Variants in FMN1 observed in about 807,000 individuals in gnomAD.
FMN1 encodes the protein formin 1.
FMN1 carries 110 observed loss-of-function variants against 132.4 expected under a neutral mutation model. The ratio of observed to expected loss-of-function variants is 0.83; its 90% CI spans 0.71 to 0.97. The LOEUF (loss-of-function observed/expected upper bound fraction) is 0.97, where lower values mean the gene tolerates loss of function less well. Ranked by LOEUF, FMN1 falls within the 50% of genes least tolerant of loss-of-function variation. The pLI, the probability that FMN1 is intolerant of heterozygous loss-of-function variation, is 0.00. For synonymous variants in FMN1, 722 were observed against 651.7 expected (o/e 1.11, Z -1.64); for missense variants, 1,792 against 1,705.3 (o/e 1.05, Z -0.90).
In FMN1 at chr15:32,858,645, T is replaced by C. The variant is rs192838744; in HGVS notation, c.3836-1538A>G. 2.7e-4 allele frequency among the ~76,000 whole-genome samples: 41 copies of C among 152,364 alleles called. 1 individual carries two copies. Among genetic ancestry groups the C allele is most frequent in the African/African-American group, 8.9e-4 (37 of 41,582 alleles). On this transcript the variant is annotated intron_variant, in intron 16 of 20. Coordinates refer to ENST00000616417, the MANE Select transcript of FMN1 (RefSeq NM_001277313.2). ...CATTCCAAGGCTATCTAGGAAATCC[T>C]GTCCGTTGGGAGGCAAAGACTAATT...
chr15:32,893,626 T>C (rs919958911), intron 15 of FMN1, among the ~76,000 whole-genome samples: 14 of 152,258 alleles, frequency 9.2e-5, no homozygotes, highest in African/African-American at 2.7e-4. Flanking sequence ...CTTAGGCTCC[T>C]AGAGGAAAGG....
chr15:32,837,708 C>T lies in FMN1; in HGVS notation c.3928+19307G>A, dbSNP rs143763277. On this transcript the variant is annotated intron_variant, in intron 17 of 20. Coordinates refer to ENST00000616417, the MANE Select transcript of FMN1 (RefSeq NM_001277313.2). ...TCCTGAAAGGTGGAGTAAGATTTTG[C>T]GTCAGATATATAGGGTCTTTTAGAC... Among the ~76,000 whole-genome samples the T allele has an allele frequency of 9.7e-3, 1,477 of 152,264 alleles. 7 individuals carry two copies. Among genetic ancestry groups the T allele is most frequent in the Middle Eastern group, 0.017 (5 of 294 alleles).
chr15:33,040,989 G>A (rs143299962), intron 6 of FMN1, among the ~76,000 whole-genome samples: 58 of 152,198 alleles, frequency 3.8e-4, no homozygotes, highest in Non-Finnish European at 6.9e-4. Context: ...AATTCAAAAG[G>A]TTGATTATTT....
Position 33,096,821 on chromosome 15 carries a change from C to G in FMN1, c.1868-7847G>C, listed in dbSNP as rs1423251296. ...TTTACCATTTTGCCCAGGCTAGTAT[C>G]GAACCCCTAGGCTAAAGCAATCCGC... On this transcript the variant is annotated intron_variant, in intron 4 of 20. Coordinates refer to ENST00000616417, the MANE Select transcript of FMN1 (RefSeq NM_001277313.2). Among the ~76,000 whole-genome samples the G allele has an allele frequency of 2.0e-5, 3 of 152,226 alleles. No individual in the cohort carries two copies. The East Asian group carries it at 5.8e-4, about 29-fold the overall frequency.
intron 19 of FMN1, among the ~76,000 whole-genome samples, chr15:32,783,952 G>T (rs2056762942): frequency 6.6e-6 from 1 of 152,026 alleles, no homozygotes; most frequent in Non-Finnish European, 1.5e-5. Context: ...TGAGACTGAG[G>T]AAGTACCAAG....
At chr15:32,858,022 TC>T (rs1426172912) in intron 16 of FMN1, among the ~76,000 whole-genome samples, 1 of 152,190 alleles carries the variant, frequency 6.6e-6, no homozygotes, top group Non-Finnish European at 1.5e-5. Context: ...TATGTTCTTG[TC>T]CAAAAGCCTA....
rs1486512222 is a variant in FMN1, at chr15:32,799,040, A to T, written c.3981-87T>A. 5.3e-6 allele frequency: 6 copies of T among 1,127,204 alleles called. No individual in the cohort carries two copies. In the East Asian group the frequency reaches 1.2e-4, roughly 23 times the overall value. 69.8% of individuals were successfully genotyped at this position (1,127,204 alleles called of 1,614,324 possible). On this transcript the variant is annotated intron_variant, in intron 18 of 20. Coordinates refer to ENST00000616417, the MANE Select transcript of FMN1 (RefSeq NM_001277313.2). ...CCATTAGAGGGGGGATGCTGGGGGC[A>T]GTTTCTCTTGTGTTTATTTTGTAAC...
At chr15:33,057,912 T>G (rs1284705859) in intron 6 of FMN1, among the ~76,000 whole-genome samples, 1 of 152,200 alleles carries the variant, frequency 6.6e-6, no homozygotes, top group Non-Finnish European at 1.5e-5. Context: ...CTCTATTTGC[T>G]GAGCTAGTTG....
chr15:33,121,648 C>T (rs1305756956), intron 4 of FMN1, among the ~76,000 whole-genome samples: 2 of 152,018 alleles, frequency 1.3e-5, no homozygotes, highest in Admixed American at 6.5e-5. Flanking sequence ...CGTGCCTCAG[C>T]CTCCTGAGTA....
chr15:33,047,431 A>C (rs1305949471), intron 6 of FMN1, among the ~76,000 whole-genome samples: 1 of 152,198 alleles, frequency 6.6e-6, no homozygotes, highest in African/African-American at 2.4e-5. Flanking sequence ...ATATTTAAAA[A>C]AACTTTTATA....
chr15:33,000,483 A>G (rs2034035202), intron 7 of FMN1, among the ~76,000 whole-genome samples: 1 of 151,310 alleles, frequency 6.6e-6, no homozygotes, highest in Non-Finnish European at 1.5e-5. Flanking sequence ...GGCGGTGTAA[A>G]TAGGAATTTA....
chr15:33,181,616 T>G (rs562258270), intron 2 of FMN1, among the ~76,000 whole-genome samples: 2 of 152,288 alleles, frequency 1.3e-5, no homozygotes, highest in East Asian at 1.9e-4. Context: ...AGAGTCCAAA[T>G]TTTATTCTAA....
intron 17 of FMN1, among the ~76,000 whole-genome samples, chr15:32,826,936 A>G (rs1012923573): frequency 1.3e-5 from 2 of 152,218 alleles, no homozygotes; most frequent in Admixed American, 1.3e-4. Context: ...ATGTTTGCCT[A>G]CAACTGATGC....
intron 7 of FMN1, among the ~76,000 whole-genome samples, chr15:32,993,234 G>A (rs1039441390): frequency 1.3e-5 from 2 of 151,478 alleles, no homozygotes; most frequent in Non-Finnish European, 2.9e-5. Flanking sequence ...ATATAAAATT[G>A]CTGCTTTATA....
In FMN1 at chr15:32,969,206, T is replaced by C; in HGVS notation, c.2495A>G (p.Lys832Arg). 6.2e-7 allele frequency: 1 copy of C among 1,613,898 alleles called. No individual in the cohort carries two copies. Among genetic ancestry groups the C allele is most frequent in the Non-Finnish European group, 8.5e-7 (1 of 1,179,870 alleles). ...CTGGCTTAAAGAGGAGATATTCAGC[T>C]TTTTGGGTACTAATTGATTACTTCT... is the stretch of plus-strand genomic sequence containing the variant. ...TTRSNQLVPK[K>R]LNISSLSQLS... Residue 832 changes from lysine (K) to arginine (R), a missense_variant, in exon 8 of 21, where the codon AAG (lysine) becomes AGG (arginine). Physicochemically the swap from Lys to Arg is conservative, Grantham distance 26. This residue lies in a region of FMN1 where 1,150 missense variants were observed against 1,043.1 expected (regional missense o/e 1.10). Coordinates refer to ENST00000616417, the MANE Select transcript of FMN1 (RefSeq NM_001277313.2).
intron 4 of FMN1, among the ~76,000 whole-genome samples, chr15:33,116,540 T>C (rs1010824732): frequency 1.3e-5 from 2 of 152,214 alleles, no homozygotes; most frequent in African/African-American, 4.8e-5. Context: ...AATCGTTCTT[T>C]GCTCAATTAA....
chr15:33,186,324 A>G (rs1595614888), intron 2 of FMN1, among the ~76,000 whole-genome samples: 1 of 152,244 alleles, frequency 6.6e-6, no homozygotes, highest in Non-Finnish European at 1.5e-5. Flanking sequence ...ACCACCAATC[A>G]TGTTTCCTGA....
At chr15:32,892,876 T>C (rs959438583) in intron 15 of FMN1, among the ~76,000 whole-genome samples, 6 of 152,230 alleles carry the variant, frequency 3.9e-5, no homozygotes, top group African/African-American at 1.4e-4. Context: ...CCATGTTATC[T>C]TGTACATCTT....
chr15:33,018,906 G>T (rs961028370), intron 6 of FMN1, among the ~76,000 whole-genome samples: 9 of 152,132 alleles, frequency 5.9e-5, no homozygotes, highest in Admixed American at 3.9e-4. Context: ...AGTCTCACTG[G>T]CTCAGGAGTG....
Sources: gnomAD v4.1 joint callset for allele counts (sites outside exome capture counted in the v4.1 genomes callset) on GRCh38, gnomAD v4.1.1 for gene constraint, gnomAD v4.1.1 regional missense constraint, MANE v1.5 for transcripts, NCBI Gene and HGNC (gene_info 2026-07-23, HGNC 2026-07-21) for gene names.